RICTOR: variants seen among roughly 807,000 people sequenced by gnomAD.
The protein encoded by RICTOR is rapamycin-insensitive companion of mTOR.
RICTOR carries 49 observed loss-of-function variants against 214.9 expected under a neutral mutation model. The ratio of observed to expected loss-of-function variants is 0.23; its 90% CI spans 0.18 to 0.29. The LOEUF (loss-of-function observed/expected upper bound fraction) is 0.29. RICTOR is among the 10% of genes least tolerant of loss of function. The pLI is 1.00. For synonymous variants in RICTOR, 717 were observed against 711.3 expected (o/e 1.01, Z -0.13); for missense variants, 1,625 against 2,047.0 (o/e 0.79, Z 3.98).
intron 2 of RICTOR, among the ~76,000 whole-genome samples, chr5:39,026,836 C>T (rs1755864221): frequency 6.6e-6 from 1 of 151,730 alleles, no homozygotes. Context: ...GGAGAAACCC[C>T]GTCTCTCCTA....
chr5:38,943,031 C>T (rs1396637411), intron 36 of RICTOR, 60 bp from the exon 37 acceptor site: 3 of 1,254,698 alleles, frequency 2.4e-6, no homozygotes, highest in Admixed American at 3.5e-5. Flanking sequence ...ATTTTTCCTC[C>T]AAGGTATCAC....
chr5:38,985,193 C>T (rs911161972), intron 7 of RICTOR, among the ~76,000 whole-genome samples: 4 of 152,052 alleles, frequency 2.6e-5, no homozygotes, highest in African/African-American at 7.2e-5. Context: ...CTAGGACCCC[C>T]GATGATACCA....
At chr5:38,955,479 A>G in intron 26 of RICTOR, 116 bp downstream of exon 26, 1 of 657,482 alleles carries the variant, frequency 1.5e-6, no homozygotes, top group South Asian at 1.8e-5. Context: ...TGAGCAATTA[A>G]TGCTGCGCAT....
chr5:39,030,167 T>A (rs546607498), intron 2 of RICTOR, among the ~76,000 whole-genome samples: 1 of 152,302 alleles, frequency 6.6e-6, no homozygotes, highest in South Asian at 2.1e-4. Context: ...TCATTTAATA[T>A]GCAGGTAGAA....
At chr5:39,017,637 G>A (rs753585824) in intron 3 of RICTOR, among the ~76,000 whole-genome samples, 15 of 151,350 alleles carry the variant, frequency 9.9e-5, no homozygotes, top group Non-Finnish European at 1.9e-4. Context: ...ACTTCACTAC[G>A]GAAAAATAAA....
At chr5:38,951,971 T>C (rs575618064) in intron 30 of RICTOR, among the ~76,000 whole-genome samples, 54 of 152,080 alleles carry the variant, frequency 3.6e-4, no homozygotes, top group South Asian at 8.3e-4. Context: ...CATAACTTTG[T>C]AGGAATCCTC....
chr5:38,958,292 A>G (rs1358767144), intron 24 of RICTOR, 151 bp downstream of exon 24: 1 of 617,358 alleles, frequency 1.6e-6, no homozygotes, highest in Non-Finnish European at 2.9e-6. Flanking sequence ...ATTAAAAAAA[A>G]AGAAAAACCC....
intron 2 of RICTOR, among the ~76,000 whole-genome samples, chr5:39,028,175 CTTTTTT>C (rs70982535): frequency 1.3e-4 from 10 of 78,436 alleles, no homozygotes; most frequent in East Asian, 4.3e-4. Context: ...AACTGGAATT[CTTTTTT>C]TTTTTTTTTT....
rs1445488171 is a variant in RICTOR, at chr5:38,966,654, T to G, written c.1286A>C (p.Glu429Ala). Residue 429 changes from glutamate to alanine, a missense_variant, in exon 15 of 38, where the codon GAG (glutamate) becomes GCG (alanine). Glu to Ala is a moderately radical substitution (Grantham distance 107, BLOSUM62 -1). Coordinates refer to ENST00000357387, the MANE Select transcript of RICTOR (RefSeq NM_152756.5). ...ISVRATILLG[E>A]LLHMANTILP... is the part of the protein sequence containing the mutation. Reference sequence around the variant, plus strand: ...TGCTAAACTTACCATATGTAAAAGCTCTCCTAAAAGGATGGTAGCTCTAAC... The same window carrying G: ...TGCTAAACTTACCATATGTAAAAGCGCTCCTAAAAGGATGGTAGCTCTAAC... The G allele has an allele frequency of 6.5e-7, 1 of 1,550,204 alleles. No individual in the cohort carries two copies. Among genetic ancestry groups the G allele is most frequent in the African/African-American group, 1.4e-5 (1 of 73,392 alleles).
rs1264083148 is a variant in RICTOR at position 38,967,985 on chromosome 5, G to A, written c.1018C>T (p.Pro340Ser). The A allele has an allele frequency of 1.2e-6, 2 of 1,607,424 alleles. No individual in the cohort carries two copies. Among genetic ancestry groups the A allele is most frequent in the South Asian group, 2.2e-5 (2 of 90,924 alleles). ...VLYDIFRLPLPVVTEEFIEAL... is the reference protein window; with the variant it reads ...VLYDIFRLPLSVVTEEFIEAL... ...TCTATGAACTCCTCAGTCACAACAGGTAGAGGAAGACGAAATATATCATAA... is the reference window on the plus strand; with the variant it reads ...TCTATGAACTCCTCAGTCACAACAGATAGAGGAAGACGAAATATATCATAA... Residue 340 changes from proline (P) to serine (S), a missense_variant, in exon 12 of 38, where the codon CCT becomes TCT. Transcript: ENST00000357387.
At chr5:39,049,268 A>G (rs746287993) in intron 2 of RICTOR, among the ~76,000 whole-genome samples, 3 of 152,088 alleles carry the variant, frequency 2.0e-5, no homozygotes, top group Non-Finnish European at 4.4e-5. Flanking sequence ...AAACAGCAAA[A>G]TAAGCCATTA....
At chr5:39,011,365 G>A (rs1320440989) in intron 3 of RICTOR, among the ~76,000 whole-genome samples, 1 of 152,228 alleles carries the variant, frequency 6.6e-6, no homozygotes, top group Non-Finnish European at 1.5e-5. Flanking sequence ...CTGCAGGGGT[G>A]TAGCTCTCAT....
chr5:38,944,427 A>G lies in RICTOR; in HGVS notation c.4913+19T>C. ...AAAACAGAATAAACAAATAATACTC[A>G]TGCACATAGTTTACTCACGTTAAAA... On this transcript the variant is annotated intron_variant, in intron 36 of 37. Coordinates refer to ENST00000357387, the MANE Select transcript of RICTOR (RefSeq NM_152756.5). 1 of 1,589,156 alleles carries G rather than the reference A, an allele frequency of 6.3e-7. No individual in the cohort carries two copies. The highest frequency in any genetic ancestry group is 8.5e-7 in the Non-Finnish European group (1 of 1,172,122).
intron 2 of RICTOR, among the ~76,000 whole-genome samples, chr5:39,026,876 G>A (rs572261339): frequency 1.2e-4 from 18 of 151,816 alleles, no homozygotes; most frequent in Non-Finnish European, 2.2e-4. Context: ...GCGTGGTCAC[G>A]CATGCCTGTT....
intron 2 of RICTOR, among the ~76,000 whole-genome samples, chr5:39,031,211 T>C (rs1231615130): frequency 6.6e-6 from 1 of 152,174 alleles, no homozygotes; most frequent in East Asian, 1.9e-4. Flanking sequence ...ATTATTACAG[T>C]TAATGACTGA....
chr5:39,004,468 T>TC (rs1264892605), intron 3 of RICTOR, among the ~76,000 whole-genome samples: 1 of 151,732 alleles, frequency 6.6e-6, no homozygotes, highest in East Asian at 1.9e-4. Context: ...CAAACTCTTT[T>TC]TTTTTTTTTG....
intron 6 of RICTOR, among the ~76,000 whole-genome samples, chr5:38,995,950 C>T (rs1014314749): frequency 5.3e-5 from 8 of 151,984 alleles, no homozygotes; most frequent in Non-Finnish European, 8.8e-5. Flanking sequence ...CCTGTGAGTA[C>T]TATTACTATT....
At chr5:39,067,132 G>T (rs1758963418) in intron 2 of RICTOR, among the ~76,000 whole-genome samples, 1 of 152,122 alleles carries the variant, frequency 6.6e-6, no homozygotes, top group African/African-American at 2.4e-5. Context: ...ATCTGAGCCT[G>T]GGTAATTTAA....
chr5:39,010,133 T>C (rs554555175), intron 3 of RICTOR, among the ~76,000 whole-genome samples: 1 of 152,188 alleles, frequency 6.6e-6, no homozygotes, highest in Admixed American at 6.5e-5. Context: ...GTTCCATCTA[T>C]GACCATATCA....
Sources: gnomAD v4.1 joint callset for allele counts (sites outside exome capture counted in the v4.1 genomes callset) on GRCh38, gnomAD v4.1.1 for gene constraint, MANE v1.5 for transcripts, NCBI Gene and HGNC (gene_info 2026-07-23, HGNC 2026-07-21) for gene names.